The following SBF2 variants were observed in gnomAD, a reference collection of about 807,000 sequenced individuals.
SBF2 encodes myotubularin-related protein 13.
SBF2 carries 112 observed loss-of-function variants against 225.2 expected under a neutral mutation model. The observed-to-expected ratio is 0.50, with a 90% CI of 0.43 to 0.58. The LOEUF (loss-of-function observed/expected upper bound fraction) is 0.58. Among genes scored for constraint, SBF2 ranks in the 20% least tolerant of loss-of-function variants. SBF2 has a pLI of 0.00. For missense variants in SBF2, 1,996 were observed against 2,206.2 expected (o/e 0.90, Z 1.91); for synonymous variants, 763 against 773.3 (o/e 0.99, Z 0.22).
intron 1 of SBF2, among the ~76,000 whole-genome samples, chr11:10,225,443 A>T (rs1310895528): frequency 6.6e-6 from 1 of 151,972 alleles, no homozygotes; most frequent in African/African-American, 2.4e-5. Flanking sequence ...GTGGTATAAC[A>T]ATGTTCTTAA....
intron 2 of SBF2, among the ~76,000 whole-genome samples, chr11:10,185,201 A>C (rs1161245549): frequency 6.6e-6 from 1 of 152,010 alleles, no homozygotes; most frequent in Non-Finnish European, 1.5e-5. Context: ...CCACCATTTG[A>C]CTACTGTGAA....
intron 21 of SBF2, among the ~76,000 whole-genome samples, chr11:9,851,216 A>G (rs1856928629): frequency 6.6e-6 from 1 of 152,066 alleles, no homozygotes; most frequent in African/African-American, 2.4e-5. Context: ...CAGAATGTAC[A>G]TTATAATCCC....
At chr11:9,936,269 G>A (rs565984410) in intron 16 of SBF2, among the ~76,000 whole-genome samples, 1 of 152,324 alleles carries the variant, frequency 6.6e-6, no homozygotes, top group African/African-American at 2.4e-5. Context: ...TCTCACACCA[G>A]TTAGAATGGT....
At chr11:10,025,506 A>G (rs1405903209) in intron 6 of SBF2, among the ~76,000 whole-genome samples, 1 of 152,156 alleles carries the variant, frequency 6.6e-6, no homozygotes, top group African/African-American at 2.4e-5. Flanking sequence ...TTAGGAAAAA[A>G]TGGTCCCAAA....
chr11:10,186,690 C>T (rs557321367), intron 2 of SBF2, among the ~76,000 whole-genome samples: 67 of 152,290 alleles, frequency 4.4e-4, no homozygotes, highest in Non-Finnish European at 7.4e-4. Flanking sequence ...TCTCTCTCCC[C>T]ACTGGGGGTG....
intron 6 of SBF2, among the ~76,000 whole-genome samples, chr11:10,018,070 GGAA>G (rs1377803704): frequency 6.6e-6 from 1 of 151,946 alleles, no homozygotes; most frequent in Non-Finnish European, 1.5e-5. Context: ...CAAGCAGTGG[GGAA>G]GAAGAACAGA....
chr11:10,138,091 A>T lies in SBF2; in HGVS notation c.141+55811T>A, dbSNP rs955141364. On this transcript the variant is annotated intron_variant, in intron 2 of 39. Coordinates refer to ENST00000256190, the MANE Select transcript of SBF2 (RefSeq NM_030962.4). Reference sequence around the variant, plus strand: ...GTTAATCAGTCTTTAAACATTTAATATAATTATCTGGTAAAATCATCTAGG... The same window carrying T: ...GTTAATCAGTCTTTAAACATTTAATTTAATTATCTGGTAAAATCATCTAGG... 1.3e-3 allele frequency among the ~76,000 whole-genome samples: 194 copies of T among 152,272 alleles called. 3 individuals carry two copies. The highest frequency in any genetic ancestry group is 2.4e-4 in the Non-Finnish European group (16 of 68,018).
At chr11:9,797,005 C>CA (rs1489365287) in intron 32 of SBF2, among the ~76,000 whole-genome samples, 4 of 152,198 alleles carry the variant, frequency 2.6e-5, no homozygotes, top group African/African-American at 7.2e-5. Flanking sequence ...CTATATTGCT[C>CA]AAACAATCTC....
chr11:9,938,492 A>G (rs949132123), intron 16 of SBF2, among the ~76,000 whole-genome samples: 7 of 151,978 alleles, frequency 4.6e-5, no homozygotes, highest in Admixed American at 1.3e-4. Flanking sequence ...TCAATGTAGG[A>G]TAATTTGCTT....
rs775141403 is a variant in SBF2, at chr11:10,029,816, A to G, written c.462T>C (p.Ser154=). ...YVDSLNVSLE[S]LIANLCACLV... Reference sequence around the variant, plus strand: ...GGCAGGCACAAAGGTTTGCAATTAGACTTTCCAAGGAGACATTCAGGCTGT... The same window carrying G: ...GGCAGGCACAAAGGTTTGCAATTAGGCTTTCCAAGGAGACATTCAGGCTGT... The change falls in exon 5 of 40, where the codon AGT becomes AGC. Residue 154 remains serine (S), a synonymous_variant. Transcript: ENST00000256190. 6.2e-7 allele frequency: 1 copy of G among 1,613,916 alleles called. No homozygotes were observed. The highest frequency in any genetic ancestry group is 1.3e-5 in the African/African-American group (1 of 74,924).
intron 2 of SBF2, among the ~76,000 whole-genome samples, chr11:10,190,306 T>C (rs1478408381): frequency 6.6e-6 from 1 of 152,214 alleles, no homozygotes; most frequent in African/African-American, 2.4e-5. Context: ...AACAATTTTC[T>C]TTGAAATGCT....
intron 2 of SBF2, among the ~76,000 whole-genome samples, chr11:10,136,769 G>C (rs1255441089): frequency 6.6e-6 from 1 of 152,190 alleles, no homozygotes; most frequent in Non-Finnish European, 1.5e-5. Flanking sequence ...GCTTGGTGTG[G>C]AACACCCATG....
At chr11:9,935,370 C>T (rs1864816655) in intron 16 of SBF2, among the ~76,000 whole-genome samples, 1 of 152,120 alleles carries the variant, frequency 6.6e-6, no homozygotes, top group African/African-American at 2.4e-5. Context: ...GTGAAAATGG[C>T]CATACTGCCC....
rs1421013955 is a variant in SBF2, at chr11:9,967,963, CTCTCTCTCTA to C, written c.1600+368_1600+377del. On this transcript the variant is annotated intron_variant, in intron 14 of 39. Transcript: ENST00000256190. The stretch of plus-strand genomic sequence containing the variant: ...TGTCTGTCTGTCTCTCTCTCTCTCT[CTCTCTCTCTA>C]TATATATATATATATATAAAATATA... Among the ~76,000 whole-genome samples, 259 of 118,940 alleles carry C rather than the reference CTCTCTCTCTA, an allele frequency of 2.2e-3. 1 individual carries two copies. The highest frequency in any genetic ancestry group is 7.6e-3 in the African/African-American group (251 of 32,866). 78.0% of individuals were successfully genotyped at this position (118,940 alleles called of 152,430 possible). A position where few individuals can be genotyped will look rare whatever the true frequency, so the allele number is the denominator to read the frequency against.
intron 13 of SBF2, among the ~76,000 whole-genome samples, chr11:9,984,758 A>T (rs2134445678): frequency 6.6e-6 from 1 of 152,340 alleles, no homozygotes; most frequent in East Asian, 1.9e-4. Context: ...AAACTAGAAG[A>T]GACTGGAGCC....
At chr11:10,140,783 G>A (rs1014951135) in intron 2 of SBF2, among the ~76,000 whole-genome samples, 2 of 152,132 alleles carry the variant, frequency 1.3e-5, no homozygotes, top group African/African-American at 4.8e-5. Flanking sequence ...GGGGTCTGTA[G>A]TAACCCCAAG....
chr11:10,297,037 T>C (rs1964555676), upstream of SBF2, among the ~76,000 whole-genome samples: 1 of 152,186 alleles, frequency 6.6e-6, no homozygotes, highest in South Asian at 2.1e-4. Context: ...CCTTTGCCCA[T>C]TTTTTAATTG....
At chr11:10,082,147 C>T (rs1951393067) in intron 2 of SBF2, among the ~76,000 whole-genome samples, 1 of 152,068 alleles carries the variant, frequency 6.6e-6, no homozygotes. Flanking sequence ...TGGATAAGTT[C>T]CTGGAAACAC....
At chr11:9,871,078 T>C (rs1460400146) in intron 17 of SBF2, among the ~76,000 whole-genome samples, 2 of 151,398 alleles carry the variant, frequency 1.3e-5, no homozygotes, top group African/African-American at 2.4e-5. Context: ...TTTCAGGATA[T>C]AGGCATGAGC....
Sources: gnomAD v4.1 joint callset for allele counts (sites outside exome capture counted in the v4.1 genomes callset) on GRCh38, gnomAD v4.1.1 for gene constraint, MANE v1.5 for transcripts, NCBI Gene and HGNC (gene_info 2026-07-23, HGNC 2026-07-21) for gene names.